The following UGT1A9 variants were observed in gnomAD, a reference collection of about 807,000 sequenced individuals.
UGT1A9 encodes the protein UDP glucuronosyltransferase family 1 member A9.
UGT1A9 carries 35 observed loss-of-function variants against 45.0 expected under a neutral mutation model. That is an observed-to-expected ratio of 0.78 (90% CI 0.59 to 1.03). The LOEUF is 1.03. Ranked by LOEUF, UGT1A9 falls within the 50% of genes least tolerant of loss-of-function variation. UGT1A9 has a pLI of 0.00. For missense variants in UGT1A9, 687 were observed against 666.6 expected, an observed-to-expected ratio of 1.03 and a Z score of -0.34; for synonymous variants, 278 against 250.6, an observed-to-expected ratio of 1.11 and a Z score of -1.03.
chr2:233,760,579 A>T lies in UGT1A9; in HGVS notation c.856-6455A>T. 1.2e-6 allele frequency: 2 copies of T among 1,614,220 alleles called. No homozygotes were observed. Among genetic ancestry groups the T allele is most frequent in the Non-Finnish European group, 1.7e-6 (2 of 1,180,050 alleles). On this transcript the variant is annotated intron_variant, in intron 1 of 4. Transcript: ENST00000354728. ...AGAGTCTTTTGTTAGTCTCGGGCATAATGTTTTTGAGAATGATTCTTTCCT... is the reference window on the plus strand; with the variant it reads ...AGAGTCTTTTGTTAGTCTCGGGCATTATGTTTTTGAGAATGATTCTTTCCT...
chr2:233,745,008 A>G (rs552050904), intron 1 of UGT1A9, among the ~76,000 whole-genome samples: 2 of 151,846 alleles, frequency 1.3e-5, no homozygotes, highest in Non-Finnish European at 2.9e-5. Flanking sequence ...TTACCTAATA[A>G]ATGTAAATGC....
chr2:233,754,759 C>T lies in UGT1A9; in HGVS notation c.856-12275C>T, dbSNP rs188420016. 6.3e-5 allele frequency: 56 copies of T among 893,964 alleles called. No individual in the cohort carries two copies. In the African/African-American group the frequency reaches 8.1e-4, roughly 13 times the overall value. 55.4% of individuals were successfully genotyped at this position (893,964 alleles called of 1,614,324 possible). On this transcript the variant is annotated intron_variant, in intron 1 of 4. Transcript: ENST00000354728. ...TAGGACATGCAGAAGGAAGAAAGGCCCCCACTTCCCAGGGAGCCAAAGGAA... is the reference window on the plus strand; with the variant it reads ...TAGGACATGCAGAAGGAAGAAAGGCTCCCACTTCCCAGGGAGCCAAAGGAA...
chr2:233,682,422 C>T, intron 1 of UGT1A9: 1 of 1,613,840 alleles, frequency 6.2e-7, no homozygotes, highest in Non-Finnish European at 8.5e-7. Context: ...AAATATTTCT[C>T]CCTCCCCTCT....
intron 1 of UGT1A9, among the ~76,000 whole-genome samples, chr2:233,727,743 C>T (rs576433426): frequency 2.0e-5 from 3 of 152,300 alleles, no homozygotes; most frequent in Non-Finnish European, 2.9e-5. Flanking sequence ...TGCCATCCTG[C>T]GTGTGCTGCC....
chr2:233,708,854 A>C (rs1025150055), intron 1 of UGT1A9, among the ~76,000 whole-genome samples: 1 of 147,850 alleles, frequency 6.8e-6, no homozygotes, highest in Non-Finnish European at 1.5e-5. Context: ...TTTCTTTTTT[A>C]ATCTCTTTTA....
rs138617806 is a variant in UGT1A9 at position 233,729,585 on chromosome 2, C to A, written c.856-37449C>A. The A allele has an allele frequency of 2.5e-6, 4 of 1,613,966 alleles. No homozygotes were observed. The African/African-American group carries it at 5.3e-5, about 22-fold the overall frequency. The stretch of plus-strand genomic sequence containing the variant: ...CCTTTGATGTGGTTTTAACAGACCC[C>A]GTTAACCTCTGCGCGGCAGTGCTGG... On this transcript the variant is annotated intron_variant, in intron 1 of 4. Coordinates refer to ENST00000354728, the MANE Select transcript of UGT1A9 (RefSeq NM_021027.3).
intron 1 of UGT1A9, chr2:233,719,039 A>C (rs201935850): frequency 2.4e-4 from 385 of 1,614,106 alleles, no homozygotes; most frequent in Admixed American, 1.3e-3. Flanking sequence ...AAGAAGAGAA[A>C]TTTTTCACCC....
chr2:233,763,738 G>A (rs1302450820), intron 1 of UGT1A9, among the ~76,000 whole-genome samples: 6 of 152,164 alleles, frequency 3.9e-5, no homozygotes, highest in Non-Finnish European at 8.8e-5. Flanking sequence ...TGGCATTGGC[G>A]TGTCTTTGGT....
chr2:233,765,894 C>T (rs527736361), intron 1 of UGT1A9, among the ~76,000 whole-genome samples: 4 of 152,178 alleles, frequency 2.6e-5, no homozygotes, highest in African/African-American at 9.6e-5. Context: ...CAGTGCGCCA[C>T]TGCTCAAACC....
In UGT1A9 at chr2:233,743,176, T is replaced by C. The variant is rs28900375; in HGVS notation, c.856-23858T>C. 1,765 of 366,612 alleles carry C rather than the reference T, an allele frequency of 4.8e-3. 64 individuals are homozygous for C. The highest frequency in any genetic ancestry group is 0.035 in the African/African-American group (1,636 of 46,622). 22.7% of individuals were successfully genotyped at this position (366,612 alleles called of 1,614,324 possible). On this transcript the variant is annotated intron_variant, in intron 1 of 4. Coordinates refer to ENST00000354728, the MANE Select transcript of UGT1A9 (RefSeq NM_021027.3). The stretch of plus-strand genomic sequence containing the variant: ...TCCTCCAGATGTGCTTAAAGTCAAA[T>C]GTGGACTGGAATTACTTGGTGTCAA...
At chr2:233,747,175 C>G in intron 1 of UGT1A9, 1 of 1,599,222 alleles carries the variant, frequency 6.3e-7, no homozygotes, top group Non-Finnish European at 8.5e-7. Flanking sequence ...GGAGGCACAG[C>G]GTGGGGTGGA....
intron 1 of UGT1A9, among the ~76,000 whole-genome samples, chr2:233,763,434 A>G (rs1698313182): frequency 1.3e-5 from 2 of 152,346 alleles, no homozygotes; most frequent in Middle Eastern, 3.4e-3. Context: ...AGTTGCTTTA[A>G]TAAGTGCATT....
intron 1 of UGT1A9, chr2:233,747,633 C>T (rs1217240528): frequency 4.9e-5 from 78 of 1,580,658 alleles, no homozygotes; most frequent in Non-Finnish European, 6.7e-5. Flanking sequence ...GATCAGGCAC[C>T]TGAATGCTAC....
intron 1 of UGT1A9, among the ~76,000 whole-genome samples, chr2:233,727,013 TTG>T (rs1300026123): frequency 1.2e-4 from 18 of 152,218 alleles, no homozygotes; most frequent in African/African-American, 3.9e-4. Context: ...TTATCATTTG[TTG>T]TTTTTGTACC....
chr2:233,698,978 A>T (rs1168446883), intron 1 of UGT1A9, among the ~76,000 whole-genome samples: 1 of 152,192 alleles, frequency 6.6e-6, no homozygotes, highest in Non-Finnish European at 1.5e-5. Flanking sequence ...CCCTTTGGCC[A>T]CCCAGGTGGT....
intron 1 of UGT1A9, among the ~76,000 whole-genome samples, chr2:233,758,574 AAG>A (rs1434533042): frequency 6.6e-5 from 10 of 152,190 alleles, no homozygotes; most frequent in Admixed American, 3.3e-4. Flanking sequence ...CTAAAAAATG[AAG>A]AGTGTTTGGG....
rs944013638 is a variant in UGT1A9, at chr2:233,769,033, G to A, written c.1295+594G>A. 3.3e-5 allele frequency among the ~76,000 whole-genome samples: 5 copies of A among 152,006 alleles called. No individual in the cohort carries two copies. Among genetic ancestry groups the A allele is most frequent in the Admixed American group, 3.3e-4 (5 of 15,274 alleles). ...ATTTACATAAAAAGTTGCCATAATA[G>A]ACATCTGATCCATAAGTTTCCTGCA... On this transcript the variant is annotated intron_variant, in intron 4 of 4. Coordinates refer to ENST00000354728, the MANE Select transcript of UGT1A9 (RefSeq NM_021027.3). This position sits in a 1 kb window ranked among gnomAD's most constrained non-coding sequence, Gnocchi z 4.4.
chr2:233,770,590 G>A (rs1203955957), intron 4 of UGT1A9: 2 of 151,878 alleles, frequency 1.3e-5, no homozygotes, highest in Non-Finnish European at 2.9e-5. Flanking sequence ...CCTGAGAGGC[G>A]GAGGTTGCAG....
intron 1 of UGT1A9, chr2:233,713,228 G>A (rs200357281): frequency 6.8e-6 from 11 of 1,614,092 alleles, no homozygotes; most frequent in Admixed American, 3.3e-5. Context: ...CCCTGACAAC[G>A]TATGCCATTT....
Sources: gnomAD v4.1 joint callset for allele counts (sites outside exome capture counted in the v4.1 genomes callset) on GRCh38, gnomAD v4.1.1 for gene constraint, Gnocchi (gnomAD v3.1) non-coding constraint, MANE v1.5 for transcripts, NCBI Gene and HGNC (gene_info 2026-07-23, HGNC 2026-07-21) for gene names.